Variants in ZFYVE21 observed in about 807,000 individuals in gnomAD.
ZFYVE21 encodes the protein zinc finger FYVE-type containing 21, also known as zinc finger FYVE domain-containing protein 21.
A neutral mutation model predicts 29.5 loss-of-function variants in ZFYVE21; 21 were observed. The observed-to-expected ratio is 0.71, with a 90% CI of 0.50 to 1.02. ZFYVE21 has a LOEUF of 1.02. ZFYVE21 is among the 50% of genes least tolerant of loss of function. The pLI is 0.00. For synonymous variants in ZFYVE21, 151 were observed against 133.8 expected (o/e 1.13, Z -0.89); for missense variants, 326 against 335.4 (o/e 0.97, Z 0.22).
intron 1 of ZFYVE21, chr14:103,725,859 C>A (rs1023986487): frequency 2.6e-5 from 4 of 152,300 alleles, no homozygotes; most frequent in African/African-American, 9.6e-5. Flanking sequence ...TACCACCTTG[C>A]CATGGGGCTT....
At chr14:103,725,480 T>C (rs1202349804) in intron 1 of ZFYVE21, 1 of 152,296 alleles carries the variant, frequency 6.6e-6, no homozygotes, top group Admixed American at 6.5e-5. Context: ...GCTGAGAAGC[T>C]GGCTGTGGCC....
In ZFYVE21 at chr14:103,727,602, C is replaced by T. The variant is rs755146674; in HGVS notation, c.190-144C>T. The T allele has an allele frequency of 1.1e-4, 118 of 1,053,036 alleles. 1 individual carries two copies. In the African/African-American group the frequency reaches 1.7e-3, roughly 15 times the overall value. The allele number at this position is 1,053,036 out of a possible 1,614,324, so 65.2% of individuals were successfully genotyped here. ...GCGTGGTGGGGAGCCCAGGGGCTGGCGACAGGAGGTGCGCGTGTGCAGCGG... is the reference window on the plus strand; with the variant it reads ...GCGTGGTGGGGAGCCCAGGGGCTGGTGACAGGAGGTGCGCGTGTGCAGCGG... On this transcript the variant is annotated intron_variant, in intron 2 of 6. Transcript: ENST00000311141.
intron 1 of ZFYVE21, among the ~76,000 whole-genome samples, chr14:103,722,487 T>C (rs1269776754): frequency 6.6e-6 from 1 of 151,332 alleles, no homozygotes; most frequent in Non-Finnish European, 1.5e-5. Context: ...CCCAAGTAGC[T>C]GGGACTACAG....
At chr14:103,724,174 G>C (rs894536780) in intron 1 of ZFYVE21, among the ~76,000 whole-genome samples, 1 of 152,232 alleles carries the variant, frequency 6.6e-6, no homozygotes, top group Non-Finnish European at 1.5e-5. Flanking sequence ...TTGGGCGGCC[G>C]CGCGGTCCCC....
rs148485610 is a variant in ZFYVE21, at chr14:103,720,016, C to CT, written c.138+4038dup. On this transcript the variant is annotated intron_variant, in intron 1 of 6. Transcript: ENST00000311141. ...GCACCTGTCACCGTCTTCAAACTGT[C>CT]TGACAGCTTCAAATTGTAGAAAACT... Among the ~76,000 whole-genome samples, 468 of 152,314 alleles carry CT rather than the reference C, an allele frequency of 3.1e-3. 3 individuals carry two copies. Among genetic ancestry groups the CT allele is most frequent in the African/African-American group, 0.011 (449 of 41,560 alleles).
At chr14:103,727,573 C>T (rs555964577) in intron 2 of ZFYVE21, 173 bp from the exon 3 acceptor site, 23 of 800,266 alleles carry the variant, frequency 2.9e-5, no homozygotes, top group South Asian at 1.6e-4. Context: ...GGCGGATCCC[C>T]GCTGCGTGGT....
Position 103,732,735 on chromosome 14 carries a change from G to A in ZFYVE21, c.642G>A (p.Ala214=), listed in dbSNP as rs202109024. ...VEDVTVGRRQ[A]VAWLVAMHKA... The stretch of plus-strand genomic sequence containing the variant: ...ACGTGACTGTGGGCAGGAGGCAGGC[G>A]GTGGCGTGGCTAGTGGCCATGCACA... Residue 214 remains alanine, a synonymous_variant, in exon 6 of 7, where the codon GCG becomes GCA. Coordinates refer to ENST00000311141, the MANE Select transcript of ZFYVE21 (RefSeq NM_024071.4). 3.4e-5 allele frequency: 55 copies of A among 1,613,066 alleles called. No homozygotes were observed. The highest frequency in any genetic ancestry group is 1.2e-4 in the Admixed American group (7 of 59,644).
At position 103,716,202 on chromosome 14, in the gene ZFYVE21, G is replaced by A. The variant is rs2083806573; in HGVS notation, c.138+223G>A. Among the ~76,000 whole-genome samples the A allele has an allele frequency of 6.6e-6, 1 of 151,882 alleles. No homozygotes were observed. The highest frequency in any genetic ancestry group is 1.5e-5 in the Non-Finnish European group (1 of 67,916). On this transcript the variant is annotated intron_variant, in intron 1 of 6. Transcript: ENST00000311141. This position sits in a 1 kb window ranked among gnomAD's most constrained non-coding sequence, Gnocchi z 4.8. ...GGAGGCGCGCGGTGTCCCGGTGCGG[G>A]GGTCCCGGGAGGGCAGGAGGCACCT...
rs573684623 is a variant in ZFYVE21, at chr14:103,722,751, G to A, written c.139-4041G>A. 3.3e-3 allele frequency among the ~76,000 whole-genome samples: 495 copies of A among 152,090 alleles called. 3 individuals are homozygous for A. The highest frequency in any genetic ancestry group is 0.01 in the African/African-American group (418 of 41,498). Reference sequence around the variant, plus strand: ...GGAGAATGACGTGAACCCGGGAGGCGGAGCTTGCAGTGAGCCGAGATTGTG... The same window carrying A: ...GGAGAATGACGTGAACCCGGGAGGCAGAGCTTGCAGTGAGCCGAGATTGTG... On this transcript the variant is annotated intron_variant, in intron 1 of 6. Transcript: ENST00000311141.
At chr14:103,725,218 CGGCCA>C (rs933330186) in intron 1 of ZFYVE21, 2 of 152,318 alleles carry the variant, frequency 1.3e-5, no homozygotes, top group African/African-American at 4.8e-5. Flanking sequence ...GAGCAGGAGG[CGGCCA>C]GGCCAGGCCT....
At position 103,733,037 on chromosome 14, in the gene ZFYVE21, T is replaced by C. The variant is rs1331917494; in HGVS notation, c.*19T>C. ...CCAGTAACTCTACGTGGGGCTGAGC[T>C]TGGAGTACGTGTGGTCACCAGGACT... is the stretch of plus-strand genomic sequence containing the variant. On this transcript the variant is annotated 3_prime_UTR_variant, in exon 7 of 7. Coordinates refer to ENST00000311141, the MANE Select transcript of ZFYVE21 (RefSeq NM_024071.4). 6.2e-7 allele frequency: 1 copy of C among 1,614,136 alleles called. No homozygotes were observed. The highest frequency in any genetic ancestry group is 1.7e-5 in the Admixed American group (1 of 60,028).
At chr14:103,731,377 A>G (rs1430685503) in intron 5 of ZFYVE21, 1 of 151,718 alleles carries the variant, frequency 6.6e-6, no homozygotes, top group Non-Finnish European at 1.5e-5. Flanking sequence ...AGGCGGGCAG[A>G]TCACCTGAGG....
Position 103,716,051 on chromosome 14 carries a change from G to A in ZFYVE21, c.138+72G>A, listed in dbSNP as rs1595685569. On this transcript the variant is annotated intron_variant, in intron 1 of 6. Coordinates refer to ENST00000311141, the MANE Select transcript of ZFYVE21 (RefSeq NM_024071.4). This position sits in a 1 kb window ranked among gnomAD's most constrained non-coding sequence, Gnocchi z 4.8. ...CCCGGCCCGGCCCCGCGGGCTTCCA[G>A]GCTCCCGCGACGACCCCTCCGCCTC... 2 of 1,163,734 alleles carry A rather than the reference G, an allele frequency of 1.7e-6. No individual in the cohort carries two copies. The highest frequency in any genetic ancestry group is 2.1e-6 in the Non-Finnish European group (2 of 942,926). The allele number at this position is 1,163,734 out of a possible 1,614,324, so 72.1% of individuals were successfully genotyped here.
intron 1 of ZFYVE21, among the ~76,000 whole-genome samples, chr14:103,723,419 C>G (rs1393840759): frequency 1.3e-5 from 2 of 152,214 alleles, no homozygotes; most frequent in African/African-American, 2.4e-5. Context: ...GAGCTGCCAG[C>G]TGGACTTTTT....
intron 1 of ZFYVE21, among the ~76,000 whole-genome samples, chr14:103,717,559 A>G (rs989991687): frequency 5.9e-5 from 9 of 152,106 alleles, no homozygotes; most frequent in African/African-American, 2.2e-4. Context: ...ATTGTTTAGC[A>G]TTTTTCCCTG....
intron 1 of ZFYVE21, among the ~76,000 whole-genome samples, chr14:103,719,729 A>G (rs1334341453): frequency 2.0e-5 from 3 of 152,064 alleles, no homozygotes; most frequent in Non-Finnish European, 4.4e-5. Flanking sequence ...AGGGGCTGCC[A>G]GAGCCTCCAC....
At chr14:103,729,670 T>TC in intron 5 of ZFYVE21, 1 of 1,237,744 alleles carries the variant, frequency 8.1e-7, no homozygotes, top group Non-Finnish European at 1.1e-6. Flanking sequence ...GGAGCTCGCA[T>TC]CCCGTTATCT....
intron 2 of ZFYVE21, chr14:103,727,492 A>C: frequency 3.2e-6 from 2 of 618,302 alleles, no homozygotes; most frequent in Non-Finnish European, 3.0e-6. Flanking sequence ...GGACTTGGGT[A>C]GTTGAAAGAA....
chr14:103,717,106 G>T (rs997307616), intron 1 of ZFYVE21, among the ~76,000 whole-genome samples: 5 of 152,150 alleles, frequency 3.3e-5, no homozygotes, highest in Admixed American at 1.3e-4. Context: ...GAGCCTCGGG[G>T]ACAGGACGGA....
Sources: gnomAD v4.1 joint callset for allele counts (sites outside exome capture counted in the v4.1 genomes callset) on GRCh38, gnomAD v4.1.1 for gene constraint, Gnocchi (gnomAD v3.1) non-coding constraint, MANE v1.5 for transcripts, NCBI Gene and HGNC (gene_info 2026-07-23, HGNC 2026-07-21) for gene names.